The following RIMS1 variants were observed in gnomAD, a reference collection of about 807,000 sequenced individuals.
The protein encoded by RIMS1 is regulating synaptic membrane exocytosis protein 1.
RIMS1 carries 83 observed loss-of-function variants against 214.1 expected under a neutral mutation model. The ratio of observed to expected loss-of-function variants is 0.39; its 90% confidence interval spans 0.32 to 0.47. The LOEUF (loss-of-function observed/expected upper bound fraction) is 0.47, where lower values mean the gene tolerates loss of function less well. Among genes scored for constraint, RIMS1 ranks in the 20% least tolerant of loss-of-function variants. RIMS1 has a pLI of 0.99. For synonymous variants in RIMS1, 793 were observed against 786.8 expected (o/e 1.01, Z -0.13); for missense variants, 2,050 against 2,161.8 (o/e 0.95, Z 1.03).
intron 1 of RIMS1, among the ~76,000 whole-genome samples, chr6:71,894,445 G>GA (rs111781810): frequency 1.8e-4 from 27 of 147,324 alleles, no homozygotes; most frequent in South Asian, 4.3e-4. Context: ...GACTCTGTCT[G>GA]AAAAAAAAAA....
chr6:71,899,302 GT>G (rs71765374), intron 1 of RIMS1, among the ~76,000 whole-genome samples: 10,322 of 151,268 alleles, frequency 0.068, 466 homozygotes, highest in East Asian at 0.18. Context: ...TAATGTTTTG[GT>G]TTTTTTTACT....
rs1237982601 is a variant in RIMS1, at chr6:71,896,462, A to G, written c.164+9275A>G. 2.6e-5 allele frequency among the ~76,000 whole-genome samples: 4 copies of G among 152,168 alleles called. 1 individual carries two copies. Among genetic ancestry groups the G allele is most frequent in the African/African-American group, 4.8e-5 (2 of 41,444 alleles). ...GCTTTAACAGTCACTATTGGGTACA[A>G]CTATGATGGATAATCAGTCCAGGGG... is the stretch of plus-strand genomic sequence containing the variant. On this transcript the variant is annotated intron_variant, in intron 1 of 33. Transcript: ENST00000521978.
chr6:72,270,488 TA>T (rs1423899563), intron 22 of RIMS1, among the ~76,000 whole-genome samples: 1 of 152,134 alleles, frequency 6.6e-6, no homozygotes, highest in Non-Finnish European at 1.5e-5. Flanking sequence ...TTTAGGGGCT[TA>T]AAAAACACCT....
intron 25 of RIMS1, among the ~76,000 whole-genome samples, chr6:72,291,590 T>A (rs963288312): frequency 1.3e-5 from 2 of 152,134 alleles, no homozygotes; most frequent in African/African-American, 4.8e-5. Context: ...ATTGTTAAGA[T>A]CCAGAGGCTG....
intron 2 of RIMS1, among the ~76,000 whole-genome samples, chr6:72,075,322 G>A (rs1219830983): frequency 6.6e-6 from 1 of 152,044 alleles, no homozygotes; most frequent in African/African-American, 2.4e-5. Context: ...TTTCCAGGCT[G>A]GTTTTGAACT....
intron 28 of RIMS1, among the ~76,000 whole-genome samples, chr6:72,325,645 A>G (rs992557927): frequency 5.3e-5 from 8 of 151,844 alleles, no homozygotes; most frequent in African/African-American, 1.7e-4. Flanking sequence ...AGACCTAGGA[A>G]TAAACTAACA....
chr6:72,274,346 CAG>C lies in RIMS1; in HGVS notation c.3399-2_3399-1del, dbSNP rs748415513. 60 of 1,605,278 alleles carry C rather than the reference CAG, an allele frequency of 3.7e-5. No homozygotes were observed. The highest frequency in any genetic ancestry group is 1.0e-4 in the South Asian group (9 of 90,424). On this transcript the variant is annotated splice_acceptor_variant, in intron 22 of 33. Transcript: ENST00000521978. LOFTEE classifies it high-confidence loss of function. The stretch of plus-strand genomic sequence containing the variant: ...TTTCCTGTCTTGTTCACTGGGCAAA[CAG>C]GGGTAGATGGTCCCCCTCCCTAGAT...
At chr6:72,389,603 G>A (rs557483385) in intron 29 of RIMS1, among the ~76,000 whole-genome samples, 188 of 152,130 alleles carry the variant, frequency 1.2e-3, no homozygotes, top group Non-Finnish European at 1.9e-3. Context: ...AAGTTAATGT[G>A]TTTATATAGT....
rs576183036 is a variant in RIMS1, at chr6:72,346,290, A to G, written c.4366+12455A>G. Reference sequence around the variant, plus strand: ...TCGTTCATGAATAGCAGTCAGAGTTAGATTAATCCAGCTAATATTTTTATC... The same window carrying G: ...TCGTTCATGAATAGCAGTCAGAGTTGGATTAATCCAGCTAATATTTTTATC... On this transcript the variant is annotated intron_variant, in intron 29 of 33. Transcript: ENST00000521978. 2.6e-5 allele frequency among the ~76,000 whole-genome samples: 4 copies of G among 151,966 alleles called. No individual in the cohort carries two copies. In the South Asian group the frequency reaches 8.3e-4, roughly 31 times the overall value.
At chr6:72,132,015 C>A (rs1047462213) in intron 4 of RIMS1, among the ~76,000 whole-genome samples, 8 of 152,252 alleles carry the variant, frequency 5.3e-5, no homozygotes, top group African/African-American at 1.4e-4. Flanking sequence ...CTCTCTTGTT[C>A]CCTAAACATT....
At chr6:72,360,229 G>T (rs1006440644) in intron 29 of RIMS1, among the ~76,000 whole-genome samples, 6 of 152,152 alleles carry the variant, frequency 3.9e-5, no homozygotes, top group African/African-American at 1.4e-4. Flanking sequence ...TCTAGCTTTT[G>T]TAGTATTTTG....
intron 26 of RIMS1, among the ~76,000 whole-genome samples, chr6:72,292,396 A>G (rs2093527083): frequency 6.6e-6 from 1 of 152,196 alleles, no homozygotes; most frequent in Non-Finnish European, 1.5e-5. Context: ...TTATCTTTTA[A>G]AAGATTTTTT....
In RIMS1 at chr6:72,378,442, C is replaced by T. The variant is rs116295611; in HGVS notation, c.4367-12156C>T. 4.4e-3 allele frequency among the ~76,000 whole-genome samples: 663 copies of T among 152,314 alleles called. 3 individuals are homozygous for T. Among genetic ancestry groups the T allele is most frequent in the African/African-American group, 0.015 (639 of 41,560 alleles). On this transcript the variant is annotated intron_variant, in intron 29 of 33. Coordinates refer to ENST00000521978, the MANE Select transcript of RIMS1 (RefSeq NM_014989.7). ...TTTTCTTTGTGACCTAAAACCCTCT[C>T]TTCTATCTATAACTTGTGCAGTACA...
intron 4 of RIMS1, among the ~76,000 whole-genome samples, chr6:72,130,812 G>A (rs974299256): frequency 3.3e-5 from 5 of 152,000 alleles, no homozygotes; most frequent in African/African-American, 1.2e-4. Flanking sequence ...CTAAGGCACT[G>A]AAAAATAATA....
chr6:72,152,094 C>T (rs1455297392), intron 4 of RIMS1, among the ~76,000 whole-genome samples: 1 of 152,140 alleles, frequency 6.6e-6, no homozygotes, highest in African/African-American at 2.4e-5. Flanking sequence ...CAAACCCTAT[C>T]AGGCCCCACC....
intron 2 of RIMS1, among the ~76,000 whole-genome samples, chr6:71,998,981 AT>A (rs1231148764): frequency 1.3e-5 from 2 of 152,020 alleles, no homozygotes; most frequent in Non-Finnish European, 2.9e-5. Flanking sequence ...TTTTATGTCT[AT>A]TGGATTAGTT....
chr6:72,076,449 C>T (rs1831906885), intron 2 of RIMS1, among the ~76,000 whole-genome samples: 1 of 152,202 alleles, frequency 6.6e-6, no homozygotes, highest in Non-Finnish European at 1.5e-5. Flanking sequence ...TATATGGACA[C>T]TCATCCCACC....
At chr6:72,379,645 C>T (rs894317001) in intron 29 of RIMS1, among the ~76,000 whole-genome samples, 1 of 152,200 alleles carries the variant, frequency 6.6e-6, no homozygotes, top group Admixed American at 6.5e-5. Context: ...CAATAGATAA[C>T]TTTAAATAGG....
intron 4 of RIMS1, among the ~76,000 whole-genome samples, chr6:72,159,347 C>T (rs9446580): frequency 0.021 from 2,954 of 140,212 alleles, 261 homozygotes; most frequent in African/African-American, 0.07. Context: ...TGTAGGTTGC[C>T]TGTTCACTCT....
Sources: allele counts gnomAD v4.1 joint callset (sites outside exome capture counted in the v4.1 genomes callset), GRCh38; gene constraint gnomAD v4.1.1; transcripts MANE v1.5; gene names NCBI Gene and HGNC (gene_info 2026-07-23, HGNC 2026-07-21).